PDE4D: variants seen among roughly 807,000 people sequenced by gnomAD.
PDE4D encodes the protein 3',5'-cyclic-AMP phosphodiesterase 4D.
PDE4D carries 24 observed loss-of-function variants against 87.4 expected under a neutral mutation model. That is an observed-to-expected ratio of 0.27 (90% CI 0.20 to 0.39). The LOEUF (loss-of-function observed/expected upper bound fraction) is 0.39, where lower values mean the gene tolerates loss of function less well. Among genes scored for constraint, PDE4D ranks in the 10% least tolerant of loss-of-function variants. PDE4D has a pLI of 1.00. For synonymous variants in PDE4D, 384 were observed against 383.2 expected (o/e 1.00, Z -0.02); for missense variants, 714 against 1,041.0 (o/e 0.69, Z 4.32).
At chr5:59,481,397 A>G (rs1012889152) in intron 1 of PDE4D, among the ~76,000 whole-genome samples, 6 of 152,026 alleles carry the variant, frequency 3.9e-5, no homozygotes, top group South Asian at 4.1e-4. Flanking sequence ...GTTCGAGTCA[A>G]GAAGCCTAGT....
intron 3 of PDE4D, among the ~76,000 whole-genome samples, chr5:59,191,668 AAGCAATTATCCTGCCTC>A (rs571761091): frequency 6.6e-6 from 1 of 152,088 alleles, no homozygotes; most frequent in East Asian, 1.9e-4. Flanking sequence ...TCCCGGGTTC[AAGCAATTATCCTGCCTC>A]AGCCTCCCAA....
intron 3 of PDE4D, among the ~76,000 whole-genome samples, chr5:59,949,010 A>G (rs1038930461): frequency 1.3e-5 from 2 of 152,232 alleles, no homozygotes; most frequent in African/African-American, 4.8e-5. Context: ...TAACTCATCC[A>G]GGATTATACT....
chr5:60,486,280 C>CA (rs1749132410), intron 1 of PDE4D, among the ~76,000 whole-genome samples: 3 of 152,160 alleles, frequency 2.0e-5, no homozygotes, highest in Non-Finnish European at 4.4e-5. Context: ...AAGAATGAGC[C>CA]AACCATTACT....
chr5:60,186,891 A>C (rs1784825343), intron 1 of PDE4D, among the ~76,000 whole-genome samples: 1 of 152,212 alleles, frequency 6.6e-6, no homozygotes, highest in East Asian at 1.9e-4. Flanking sequence ...TGCAAGGAAC[A>C]CAGCCTTTTT....
chr5:59,733,664 T>C (rs1454870007), intron 1 of PDE4D, among the ~76,000 whole-genome samples: 2 of 152,070 alleles, frequency 1.3e-5, no homozygotes, highest in East Asian at 3.8e-4. Context: ...ATTCAAAAAA[T>C]TGAAATGTCA....
chr5:59,874,742 C>T (rs958278658), intron 1 of PDE4D, among the ~76,000 whole-genome samples: 4 of 152,190 alleles, frequency 2.6e-5, no homozygotes, highest in Non-Finnish European at 5.9e-5. Flanking sequence ...ATTCAATCAT[C>T]CCAAGGAATT....
intron 1 of PDE4D, among the ~76,000 whole-genome samples, chr5:59,474,924 T>C (rs1803058413): frequency 6.6e-6 from 1 of 152,124 alleles, no homozygotes; most frequent in African/African-American, 2.4e-5. Context: ...GGTTGGGTTT[T>C]TTTTCCCCCT....
At chr5:59,463,970 G>A (rs1801153820) in intron 1 of PDE4D, among the ~76,000 whole-genome samples, 1 of 152,192 alleles carries the variant, frequency 6.6e-6, no homozygotes, top group African/African-American at 2.4e-5. Context: ...GGGTTGAATG[G>A]ATTAAGGGTT....
At chr5:59,843,942 C>A (rs748065518) in intron 1 of PDE4D, among the ~76,000 whole-genome samples, 3 of 151,992 alleles carry the variant, frequency 2.0e-5, no homozygotes, top group Admixed American at 1.3e-4. Flanking sequence ...TGCTTTAATG[C>A]CTCCATAATT....
intron 1 of PDE4D, among the ~76,000 whole-genome samples, chr5:59,545,348 G>GT (rs1359338183): frequency 1.3e-5 from 2 of 150,494 alleles, no homozygotes; most frequent in Admixed American, 6.6e-5. Flanking sequence ...GACCACTCAC[G>GT]TAAAAAAAAA....
At chr5:60,335,759 T>C (rs1757703499) in intron 1 of PDE4D, among the ~76,000 whole-genome samples, 2 of 152,250 alleles carry the variant, frequency 1.3e-5, no homozygotes, top group Admixed American at 1.3e-4. Context: ...GTGGATGAAA[T>C]CATTGGTGTT....
chr5:59,832,288 T>C (rs1297871234), intron 1 of PDE4D, among the ~76,000 whole-genome samples: 1 of 152,090 alleles, frequency 6.6e-6, no homozygotes, highest in Non-Finnish European at 1.5e-5. Flanking sequence ...CTGCCAGACC[T>C]CTAATTCACT....
intron 3 of PDE4D, among the ~76,000 whole-genome samples, chr5:59,931,420 C>G (rs527781042): frequency 6.6e-6 from 1 of 152,262 alleles, no homozygotes; most frequent in East Asian, 1.9e-4. Flanking sequence ...CTTACAGTTA[C>G]GGAGGCTAAG....
At chr5:59,813,445 TACACACAC>T (rs35313403) in intron 1 of PDE4D, among the ~76,000 whole-genome samples, 1,508 of 143,076 alleles carry the variant, frequency 0.011, 21 homozygotes, top group African/African-American at 0.03. Flanking sequence ...CATACACTTG[TACACACAC>T]ACACACACAC....
chr5:60,079,318 C>T (rs1474546981), intron 2 of PDE4D, among the ~76,000 whole-genome samples: 2 of 150,822 alleles, frequency 1.3e-5, no homozygotes, highest in African/African-American at 4.9e-5. Context: ...AAAATTTTCT[C>T]CCATTCTGTA....
At chr5:59,676,991 T>A (rs2150350212) in intron 1 of PDE4D, among the ~76,000 whole-genome samples, 1 of 152,204 alleles carries the variant, frequency 6.6e-6, no homozygotes, top group South Asian at 2.1e-4. Flanking sequence ...GAGATCAACT[T>A]TTTCTAGCTT....
At chr5:59,545,559 GAA>G (rs201274235) in intron 1 of PDE4D, among the ~76,000 whole-genome samples, 1 of 152,024 alleles carries the variant, frequency 6.6e-6, no homozygotes, top group Non-Finnish European at 1.5e-5. Context: ...TTCAACAGAA[GAA>G]AAAAGAGTTT....
intron 2 of PDE4D, among the ~76,000 whole-genome samples, chr5:60,047,646 A>C (rs1161901397): frequency 6.6e-6 from 1 of 152,138 alleles, no homozygotes; most frequent in Non-Finnish European, 1.5e-5. Flanking sequence ...ATTCAGGAGC[A>C]GGTTGTTCAG....
chr5:59,039,095 G>T lies in PDE4D; in HGVS notation c.809-124C>A, dbSNP rs16889108. ...GGATGCCCGGTGCCGGCACATGAGGGCTGCTCCTTCATATTGCCCAGCCCG... is the reference window on the plus strand; with the variant it reads ...GGATGCCCGGTGCCGGCACATGAGGTCTGCTCCTTCATATTGCCCAGCCCG... On this transcript the variant is annotated intron_variant, in intron 5 of 14. Coordinates refer to ENST00000340635, the MANE Select transcript of PDE4D (RefSeq NM_001104631.2). The T allele has an allele frequency of 0.01, 14,993 of 1,453,192 alleles. 98 individuals carry two copies. Among genetic ancestry groups the T allele is most frequent in the Non-Finnish European group, 0.012 (13,169 of 1,101,194 alleles). The allele number at this position is 1,453,192 out of a possible 1,614,324, so 90.0% of individuals were successfully genotyped here. A position where few individuals can be genotyped will look rare whatever the true frequency, so the allele number is the denominator to read the frequency against.
Sources: gnomAD v4.1 joint callset for allele counts (sites outside exome capture counted in the v4.1 genomes callset) on GRCh38, gnomAD v4.1.1 for gene constraint, MANE v1.5 for transcripts, NCBI Gene and HGNC (gene_info 2026-07-23, HGNC 2026-07-21) for gene names.